Variants in PABPC4 observed in about 807,000 individuals in gnomAD.
PABPC4 encodes the protein poly(A) binding protein cytoplasmic 4.
PABPC4 carries 15 observed loss-of-function variants against 74.5 expected under a neutral mutation model. That is an observed-to-expected ratio of 0.20 (90% CI 0.13 to 0.31). The LOEUF is 0.31. Among genes scored for constraint, PABPC4 ranks in the 10% least tolerant of loss-of-function variants. The pLI is 1.00. For missense variants in PABPC4, 610 were observed against 853.5 expected (o/e 0.71, Z 3.55); for synonymous variants, 345 against 303.0 (o/e 1.14, Z -1.44).
chr1:39,568,040 A>G (rs533270476), intron 6 of PABPC4, 194 bp from the exon 7 acceptor site: 6 of 467,996 alleles, frequency 1.3e-5, no homozygotes, highest in Admixed American at 3.7e-5. Flanking sequence ...GGCGAATCAC[A>G]AGGTCAGGAG....
chr1:39,561,337 C>T (rs1330135183), intron 15 of PABPC4: 1 of 344,684 alleles, frequency 2.9e-6, no homozygotes, highest in Non-Finnish European at 5.7e-6. Flanking sequence ...TCCTGAGGCC[C>T]TTGACAAGAG....
chr1:39,575,877 G>T lies in PABPC4; in HGVS notation c.75C>A (p.Ala25=), dbSNP rs771976659. The change falls in exon 1 of 16, where the codon GCC becomes GCA. Residue 25 remains alanine (A), a synonymous_variant. Coordinates refer to ENST00000372858, the MANE Select transcript of PABPC4 (RefSeq NM_001135653.2). ...VGDLHSDVTE[A]MLYEKFSPAG... ...CGGGGCTGAACTTTTCGTACAGCAT[G>T]GCCTCGGTGACGTCCGAATGCAGGT... 3 of 1,612,320 alleles carry T rather than the reference G, an allele frequency of 1.9e-6. No individual in the cohort carries two copies.
chr1:39,569,494 A>T (rs1645904428), intron 5 of PABPC4, 101 bp downstream of exon 5: 1 of 802,734 alleles, frequency 1.2e-6, no homozygotes, highest in South Asian at 1.4e-5. Context: ...CTACTACCAG[A>T]TACTCAGACC....
chr1:39,569,789 C>T, intron 4 of PABPC4, 74 bp downstream of exon 4: 1 of 1,588,882 alleles, frequency 6.3e-7, no homozygotes, highest in Non-Finnish European at 8.6e-7. Context: ...ATCTCTGGAG[C>T]AGTGCCCTCA....
intron 8 of PABPC4, 102 bp from the exon 9 acceptor site, chr1:39,564,875 A>C: frequency 3.0e-6 from 3 of 1,008,690 alleles, no homozygotes; most frequent in Non-Finnish European, 4.5e-6. Flanking sequence ...CTAATTATTT[A>C]AATGTTCTTT....
At position 39,565,206 on chromosome 1, in the gene PABPC4, T is replaced by G. The variant is rs9820; in HGVS notation, c.1145A>C (p.Tyr382Ser). Residue 382 changes from tyrosine to serine, a missense_variant, in exon 8 of 16, where the codon TAT becomes TCT. Tyr to Ser is a moderately radical substitution (Grantham distance 144, BLOSUM62 -2). Coordinates refer to ENST00000372858, the MANE Select transcript of PABPC4 (RefSeq NM_001135653.2). The stretch of plus-strand genomic sequence containing the variant: ...TCTCATTCCAGCCACTCGTTGCATA[T>G]ACTGGTTGGTCAGGTGAGCCTTTCT... Reference protein sequence around the residue: ...EERKAHLTNQYMQRVAGMRAL... With the variant: ...EERKAHLTNQSMQRVAGMRAL... 6.2e-7 allele frequency: 1 copy of G among 1,614,204 alleles called. No homozygotes were observed. Among genetic ancestry groups the G allele is most frequent in the Non-Finnish European group, 8.5e-7 (1 of 1,180,030 alleles).
intron 5 of PABPC4, among the ~76,000 whole-genome samples, chr1:39,569,175 G>A (rs1645897518): frequency 6.6e-6 from 1 of 152,216 alleles, no homozygotes. Context: ...CAAGTGTGCT[G>A]ACATGAGCCT....
At position 39,570,988 on chromosome 1, in the gene PABPC4, C is replaced by T. The variant is rs1645931484; in HGVS notation, c.503+246G>A. On this transcript the variant is annotated intron_variant, in intron 3 of 15. Coordinates refer to ENST00000372858, the MANE Select transcript of PABPC4 (RefSeq NM_001135653.2). ...CCCCAGTTGTTGATGCTCACAAAACCCACAGACAGATGCCTTTAAGGGAGA... is the reference window on the plus strand; with the variant it reads ...CCCCAGTTGTTGATGCTCACAAAACTCACAGACAGATGCCTTTAAGGGAGA... The T allele has an allele frequency of 2.8e-5, 36 of 1,282,082 alleles. No individual in the cohort carries two copies. In the South Asian group the frequency reaches 5.4e-4, roughly 19 times the overall value. The allele number at this position is 1,282,082 out of a possible 1,614,324, so 79.4% of individuals were successfully genotyped here. A position where few individuals can be genotyped will look rare whatever the true frequency, so the allele number is the denominator to read the frequency against.
chr1:39,568,257 GAA>G (rs201261264), intron 6 of PABPC4: 3 of 135,128 alleles, frequency 2.2e-5, no homozygotes, highest in Non-Finnish European at 3.1e-5. Context: ...ACTGTCTCAA[GAA>G]AAAAAAAAAA....
chr1:39,562,661 C>A, intron 12 of PABPC4: 1 of 429,402 alleles, frequency 2.3e-6, no homozygotes, highest in Non-Finnish European at 4.1e-6. Context: ...CGAAGTGAAA[C>A]GTAAATAATA....
In PABPC4 at chr1:39,569,951, G is replaced by T; in HGVS notation, c.555C>A (p.Ala185=). ...SRKEREAELG[A]KAKEFTNVYI... ...AAACATTGGTGAATTCCTTGGCTTT[G>T]GCTCCAAGCTCAGCTTCCCGCTCTT... Residue 185 remains alanine (A), a synonymous_variant, in exon 4 of 16, where the codon GCC becomes GCA. Transcript: ENST00000372858. 6.2e-7 allele frequency: 1 copy of T among 1,614,012 alleles called. No individual in the cohort carries two copies. Among genetic ancestry groups the T allele is most frequent in the Non-Finnish European group, 8.5e-7 (1 of 1,180,016 alleles).
chr1:39,561,976 C>T (rs1645775164), intron 14 of PABPC4, 97 bp downstream of exon 14: 1 of 1,416,202 alleles, frequency 7.1e-7, no homozygotes, highest in Non-Finnish European at 9.8e-7. Context: ...GTCCTGGGGG[C>T]AGCAGATCCC....
chr1:39,571,056 C>T (rs1557719021), intron 3 of PABPC4, 178 bp downstream of exon 3: 3 of 1,482,040 alleles, frequency 2.0e-6, no homozygotes, highest in African/African-American at 2.8e-5. Flanking sequence ...CCCACCTTGG[C>T]GAGTCAAAAG....
At chr1:39,571,868 C>T (rs181257536) in intron 2 of PABPC4, among the ~76,000 whole-genome samples, 1 of 152,324 alleles carries the variant, frequency 6.6e-6, no homozygotes, top group East Asian at 1.9e-4. Context: ...CAGAGCAAGA[C>T]TCTGTCTCTT....
intron 2 of PABPC4, 66 bp from the exon 3 acceptor site, chr1:39,571,415 G>A: frequency 1.9e-6 from 3 of 1,587,258 alleles, no homozygotes; most frequent in South Asian, 1.1e-5. Context: ...GAACCTCAGG[G>A]TATCTTGTGC....
Position 39,570,071 on chromosome 1 carries a change from A to G in PABPC4, c.504-69T>C, listed in dbSNP as rs1489248127. 2.7e-6 allele frequency: 4 copies of G among 1,486,702 alleles called. No individual in the cohort carries two copies. The South Asian group carries it at 3.6e-5, about 13-fold the overall frequency. The allele number at this position is 1,486,702 out of a possible 1,614,324, so 92.1% of individuals were successfully genotyped here. ...AACATGATGTCCAGGGACCCAAAGG[A>G]ATACAGGTTAAAGACTGACAGGAGA... On this transcript the variant is annotated intron_variant, in intron 3 of 15. Coordinates refer to ENST00000372858, the MANE Select transcript of PABPC4 (RefSeq NM_001135653.2).
intron 7 of PABPC4, among the ~76,000 whole-genome samples, chr1:39,566,927 C>CTT (rs1456257199): frequency 6.6e-6 from 1 of 152,200 alleles, no homozygotes; most frequent in Non-Finnish European, 1.5e-5. Context: ...TCCACATTCC[C>CTT]AGGTTGGGAG....
chr1:39,569,352 C>CA, intron 5 of PABPC4: 2 of 546,894 alleles, frequency 3.7e-6, no homozygotes. Context: ...TGCAGCATAA[C>CA]AAACGTCTGT....
chr1:39,565,910 C>A (rs1472405057), intron 7 of PABPC4, among the ~76,000 whole-genome samples: 1 of 151,854 alleles, frequency 6.6e-6, no homozygotes, highest in African/African-American at 2.4e-5. Flanking sequence ...AACAAACCTA[C>A]AAATAGGAAA....
Sources: allele counts gnomAD v4.1 joint callset (sites outside exome capture counted in the v4.1 genomes callset), GRCh38; gene constraint gnomAD v4.1.1; transcripts MANE v1.5; gene names NCBI Gene and HGNC (gene_info 2026-07-23, HGNC 2026-07-21).